The following IGDCC3 variants were observed in gnomAD, a reference collection of about 807,000 sequenced individuals.
IGDCC3 encodes the protein putative neuronal cell adhesion molecule.
IGDCC3 carries 47 observed loss-of-function variants against 72.0 expected under a neutral mutation model. That is an observed-to-expected ratio of 0.65 (90% CI 0.52 to 0.83). IGDCC3 has a LOEUF of 0.83. Among genes scored for constraint, IGDCC3 ranks in the 40% least tolerant of loss-of-function variants. The pLI is 0.00. For synonymous variants in IGDCC3, 477 were observed against 472.8 expected (o/e 1.01, Z -0.11); for missense variants, 1,038 against 1,091.3 (o/e 0.95, Z 0.69).
rs1487215667 is a variant in IGDCC3, at chr15:65,328,316, T to TTTAA, written c.*592_*593insTTAA. The TTTAA allele has an allele frequency of 1.4e-5, 2 of 144,222 alleles. No homozygotes were observed. The highest frequency in any genetic ancestry group is 5.0e-5 in the African/African-American group (2 of 40,100). 8.9% of individuals were successfully genotyped at this position (144,222 alleles called of 1,614,324 possible). On this transcript the variant is annotated 3_prime_UTR_variant, in exon 14 of 14. Transcript: ENST00000327987. ...AGTGCTTTTTTTTTTTTTTTTTTTT[T>TTTAA]TACTCTGGACAACAGTGTGGGAAGG... is the stretch of plus-strand genomic sequence containing the variant.
At chr15:65,338,352 C>T (rs922746631) in intron 2 of IGDCC3, among the ~76,000 whole-genome samples, 6 of 152,234 alleles carry the variant, frequency 3.9e-5, no homozygotes, top group African/African-American at 1.4e-4. Context: ...AACCATGAAT[C>T]TGAAGCTAAT....
At position 65,347,109 on chromosome 15, in the gene IGDCC3, G is replaced by A. The variant is rs543923321; in HGVS notation, c.410-11153C>T. On this transcript the variant is annotated intron_variant, in intron 2 of 13. Transcript: ENST00000327987. ...AATATCCCTAACTTCCGTCGTTCTG[G>A]TCAGGACACCGGATCTCCCTCACCT... 2.6e-5 allele frequency among the ~76,000 whole-genome samples: 4 copies of A among 152,296 alleles called. No homozygotes were observed. The South Asian group carries it at 8.3e-4, about 32-fold the overall frequency.
chr15:65,365,464 G>C (rs1257791214), intron 2 of IGDCC3, among the ~76,000 whole-genome samples: 1 of 152,038 alleles, frequency 6.6e-6, no homozygotes, highest in Non-Finnish European at 1.5e-5. Flanking sequence ...GCATTCCAGA[G>C]AGCAGCCCAG....
chr15:65,362,456 G>A (rs1218700678), intron 2 of IGDCC3, among the ~76,000 whole-genome samples: 1 of 150,364 alleles, frequency 6.7e-6, no homozygotes, highest in East Asian at 2.0e-4. Context: ...GCCAGAGGAG[G>A]TATCCCCTCC....
At chr15:65,330,799 C>T in intron 9 of IGDCC3, 58 bp from the exon 10 acceptor site, 2 of 1,255,066 alleles carry the variant, frequency 1.6e-6, no homozygotes, top group Non-Finnish European at 2.2e-6. Flanking sequence ...TATCTTTCTA[C>T]CTTCCACCTG....
At position 65,328,586 on chromosome 15, in the gene IGDCC3, CTTTT is replaced by C. The variant is rs76982849; in HGVS notation, c.*319_*322del. 4.6e-5 allele frequency: 9 copies of C among 195,756 alleles called. No individual in the cohort carries two copies. The highest frequency in any genetic ancestry group is 1.7e-4 in the African/African-American group (7 of 40,708). 12.1% of individuals were successfully genotyped at this position (195,756 alleles called of 1,614,324 possible). On this transcript the variant is annotated 3_prime_UTR_variant, in exon 14 of 14. Transcript: ENST00000327987. Reference sequence around the variant, plus strand: ...ATTCACCTTCCTCTATCTCTCTCCTCTTTTTTTTTTTTTTTAAGTTTTGCTTTTT... The same window carrying C: ...ATTCACCTTCCTCTATCTCTCTCCTCTTTTTTTTTTTAAGTTTTGCTTTTT...
rs1465218496 is a variant in IGDCC3 at position 65,327,604 on chromosome 15, CTTCTTT to C, written c.*1299_*1304del. 2.0e-5 allele frequency: 3 copies of C among 152,488 alleles called. No homozygotes were observed. Among genetic ancestry groups the C allele is most frequent in the African/African-American group, 7.2e-5 (3 of 41,424 alleles). 9.4% of individuals were successfully genotyped at this position (152,488 alleles called of 1,614,324 possible). On this transcript the variant is annotated 3_prime_UTR_variant, in exon 14 of 14. Coordinates refer to ENST00000327987, the MANE Select transcript of IGDCC3 (RefSeq NM_004884.4). ...TTTGTTTCCTTGGTTTTCTTTTCTTCTTCTTTAACTAAGTAGTTCAAAGAACAACAC... is the reference window on the plus strand; with the variant it reads ...TTTGTTTCCTTGGTTTTCTTTTCTTCAACTAAGTAGTTCAAAGAACAACAC...
intron 2 of IGDCC3, among the ~76,000 whole-genome samples, chr15:65,369,424 G>C (rs962249923): frequency 6.6e-6 from 1 of 152,142 alleles, no homozygotes; most frequent in Non-Finnish European, 1.5e-5. Flanking sequence ...TGTCAGAAAG[G>C]GTCAGTTTGT....
chr15:65,362,793 C>T (rs146330566), intron 2 of IGDCC3, among the ~76,000 whole-genome samples: 3,743 of 150,998 alleles, frequency 0.025, 51 homozygotes, highest in South Asian at 0.066. Flanking sequence ...GACCCACCAA[C>T]GGTCCTGTCG....
At chr15:65,370,620 GTATA>G (rs71136346) in intron 2 of IGDCC3, among the ~76,000 whole-genome samples, 10,227 of 94,460 alleles carry the variant, frequency 0.11, 572 homozygotes, top group Non-Finnish European at 0.17. Flanking sequence ...ATATGTATGT[GTATA>G]TATATATATA....
intron 2 of IGDCC3, among the ~76,000 whole-genome samples, chr15:65,360,287 G>T (rs988913328): frequency 8.5e-5 from 13 of 152,202 alleles, no homozygotes; most frequent in African/African-American, 3.1e-4. Context: ...TTTTGTTATG[G>T]TTTGATGGGA....
chr15:65,354,428 T>TTGG (rs1369923642), intron 2 of IGDCC3, among the ~76,000 whole-genome samples: 1 of 152,142 alleles, frequency 6.6e-6, no homozygotes, highest in Non-Finnish European at 1.5e-5. Flanking sequence ...TTGCCCCTTT[T>TTGG]TCTACCACCG....
Position 65,332,123 on chromosome 15 carries a change from G to T in IGDCC3, c.983-17C>A. On this transcript the variant is annotated splice_polypyrimidine_tract_variant and intron_variant, in intron 6 of 13. Coordinates refer to ENST00000327987, the MANE Select transcript of IGDCC3 (RefSeq NM_004884.4). ...CAGCTGGGGCTGCGAGTAGAGTCAG[G>T]AGGGTGGGGGCGCAGACAGACACAG... 6.2e-7 allele frequency: 1 copy of T among 1,608,768 alleles called. No homozygotes were observed. The highest frequency in any genetic ancestry group is 8.5e-7 in the Non-Finnish European group (1 of 1,177,016).
At chr15:65,345,568 ACACACACACACG>A in intron 2 of IGDCC3, among the ~76,000 whole-genome samples, 1 of 151,604 alleles carries the variant, frequency 6.6e-6, no homozygotes, top group South Asian at 2.1e-4. Flanking sequence ...GCACACACAC[ACACACACACACG>A]CACACACACG....
chr15:65,370,604 G>GTATATATATGTATGTATATA (rs1555432564), intron 2 of IGDCC3, among the ~76,000 whole-genome samples: 6 of 105,742 alleles, frequency 5.7e-5, no homozygotes, highest in African/African-American at 2.1e-4. Flanking sequence ...ATATGTATGT[G>GTATATATATGTATGTATATA]TATATATATG....
In IGDCC3 at chr15:65,327,790, G is replaced by A; in HGVS notation, c.*1119C>T. The A allele has an allele frequency of 6.6e-6, 1 of 152,626 alleles. No individual in the cohort carries two copies. Among genetic ancestry groups the A allele is most frequent in the Non-Finnish European group, 1.5e-5 (1 of 68,044 alleles). The allele number at this position is 152,626 out of a possible 1,614,324, so 9.5% of individuals were successfully genotyped here. A position where few individuals can be genotyped will look rare whatever the true frequency, so the allele number is the denominator to read the frequency against. The stretch of plus-strand genomic sequence containing the variant: ...CTGAGGCTGGGGCGCCTCTGCAGGG[G>A]ACACCCACACCCCCTCACCCTCCCA... On this transcript the variant is annotated 3_prime_UTR_variant, in exon 14 of 14. Coordinates refer to ENST00000327987, the MANE Select transcript of IGDCC3 (RefSeq NM_004884.4).
chr15:65,345,388 T>C (rs755616343), intron 2 of IGDCC3, among the ~76,000 whole-genome samples: 14 of 152,076 alleles, frequency 9.2e-5, no homozygotes, highest in Non-Finnish European at 1.3e-4. Flanking sequence ...ATCCCGTCTC[T>C]ACAAAAAATA....
At chr15:65,335,147 C>G in intron 4 of IGDCC3, 144 bp downstream of exon 4, 1 of 920,916 alleles carries the variant, frequency 1.1e-6, no homozygotes. Flanking sequence ...TGTGCACCCT[C>G]ACGCCAGGCA....
chr15:65,367,606 CCAAATGTAAGG>C (rs1474580981), intron 2 of IGDCC3, among the ~76,000 whole-genome samples: 21 of 152,084 alleles, frequency 1.4e-4, no homozygotes, highest in African/African-American at 3.6e-4. Flanking sequence ...CCCAAACACC[CCAAATGTAAGG>C]CCTCCCGCCA....
Sources: gnomAD v4.1 joint callset for allele counts (sites outside exome capture counted in the v4.1 genomes callset) on GRCh38, gnomAD v4.1.1 for gene constraint, MANE v1.5 for transcripts, NCBI Gene and HGNC (gene_info 2026-07-23, HGNC 2026-07-21) for gene names.